Variants in RNF216 observed in about 807,000 individuals in gnomAD.
The protein encoded by RNF216 is ring finger protein 216.
RNF216 carries 72 observed loss-of-function variants against 110.8 expected under a neutral mutation model. The observed-to-expected ratio is 0.65, with a 90% confidence interval of 0.54 to 0.79. The LOEUF (loss-of-function observed/expected upper bound fraction) is 0.79, where lower values mean the gene tolerates loss of function less well. Among genes scored for constraint, RNF216 ranks in the 30% least tolerant of loss-of-function variants. RNF216 has a pLI of 0.00. For synonymous variants in RNF216, 495 were observed against 407.5 expected, an observed-to-expected ratio of 1.21 and a Z score of -2.59; for missense variants, 1,342 against 1,141.2, an observed-to-expected ratio of 1.18 and a Z score of -2.54.
rs115558824 is a variant in RNF216, at chr7:5,695,649, G to C, written c.2061+16112C>G. On this transcript the variant is annotated intron_variant, in intron 13 of 16. Coordinates refer to ENST00000389902, the MANE Select transcript of RNF216 (RefSeq NM_207111.4). ...TGGTGCCGAGAGAGATGACAGAATG[G>C]AAAGTTGTCATTTGTTGTGGTTTTG... 3.8e-3 allele frequency among the ~76,000 whole-genome samples: 575 copies of C among 152,334 alleles called. 1 individual carries two copies. Among genetic ancestry groups the C allele is most frequent in the African/African-American group, 0.013 (561 of 41,564 alleles).
intron 13 of RNF216, among the ~76,000 whole-genome samples, chr7:5,659,100 A>G (rs1228337840): frequency 6.6e-6 from 1 of 152,186 alleles, no homozygotes; most frequent in African/African-American, 2.4e-5. Flanking sequence ...TGGTGGAAAC[A>G]TGAACTTAGA....
chr7:5,765,870 T>TG (rs1310342823), intron 1 of RNF216, among the ~76,000 whole-genome samples: 2 of 149,692 alleles, frequency 1.3e-5, no homozygotes, highest in Non-Finnish European at 3.0e-5. Context: ...GCAGAATTGC[T>TG]TGAACCCGGG....
At chr7:5,683,676 G>A (rs1300842909) in intron 13 of RNF216, among the ~76,000 whole-genome samples, 1 of 152,172 alleles carries the variant, frequency 6.6e-6, no homozygotes, top group Non-Finnish European at 1.5e-5. Context: ...AGGAGAATGA[G>A]GACAATGTCA....
intron 13 of RNF216, among the ~76,000 whole-genome samples, chr7:5,699,406 C>A (rs1023153468): frequency 6.6e-6 from 1 of 152,190 alleles, no homozygotes. Context: ...GAGTAAAAAG[C>A]CCCTAAAACC....
chr7:5,742,586 CTTTTTTTTTTTTTTT>C (rs59545890), intron 3 of RNF216, among the ~76,000 whole-genome samples: 2 of 65,994 alleles, frequency 3.0e-5, no homozygotes, highest in African/African-American at 1.2e-4. Flanking sequence ...GGTGAAAAAT[CTTTTTTTTTTTTTTT>C]TTTTTTTTTT....
intron 13 of RNF216, among the ~76,000 whole-genome samples, chr7:5,684,096 T>C (rs1790827414): frequency 2.5e-5 from 1 of 39,776 alleles, no homozygotes; most frequent in South Asian, 8.3e-4. Flanking sequence ...TGGGCCTTCT[T>C]TTTTTTTTTT....
At chr7:5,698,281 C>G (rs1791748943) in intron 13 of RNF216, among the ~76,000 whole-genome samples, 1 of 152,022 alleles carries the variant, frequency 6.6e-6, no homozygotes, top group African/African-American at 2.4e-5. Context: ...CAAGGAGGGT[C>G]TGTTACAGGC....
intron 13 of RNF216, among the ~76,000 whole-genome samples, chr7:5,654,379 C>T (rs374370298): frequency 3.3e-5 from 5 of 151,878 alleles, no homozygotes; most frequent in Non-Finnish European, 4.4e-5. Context: ...GGTGGGATGT[C>T]GTAAAAAGCC....
intron 13 of RNF216, among the ~76,000 whole-genome samples, chr7:5,663,267 G>A (rs1314541039): frequency 6.6e-6 from 1 of 152,082 alleles, no homozygotes; most frequent in Admixed American, 6.6e-5. Flanking sequence ...GGCATGGAGG[G>A]CTCAATTCAT....
intron 1 of RNF216, among the ~76,000 whole-genome samples, chr7:5,767,187 C>T (rs1796251417): frequency 6.6e-6 from 1 of 152,206 alleles, no homozygotes; most frequent in Non-Finnish European, 1.5e-5. Context: ...TAAAACACAT[C>T]TTTGAAGGCA....
At chr7:5,747,957 T>A (rs115218523) in intron 3 of RNF216, among the ~76,000 whole-genome samples, 101 of 152,036 alleles carry the variant, frequency 6.6e-4, no homozygotes, top group African/African-American at 2.4e-3. Context: ...CCCTTAAGGT[T>A]AAGGAAACAA....
intron 13 of RNF216, among the ~76,000 whole-genome samples, chr7:5,684,546 G>A (rs938074077): frequency 1.5e-4 from 23 of 152,190 alleles, no homozygotes; most frequent in Non-Finnish European, 2.6e-4. Context: ...CATGCAGTTC[G>A]ATGTTCCCTG....
At chr7:5,633,051 C>T (rs1787173474) in intron 15 of RNF216, among the ~76,000 whole-genome samples, 1 of 151,910 alleles carries the variant, frequency 6.6e-6, no homozygotes, top group African/African-American at 2.4e-5. Context: ...GCGATCTCTG[C>T]TCACTGCAAC....
intron 3 of RNF216, among the ~76,000 whole-genome samples, chr7:5,752,624 T>C (rs1044110374): frequency 2.0e-5 from 3 of 152,140 alleles, no homozygotes; most frequent in Non-Finnish European, 2.9e-5. Context: ...TGGAATTTGG[T>C]GCGTTAATAG....
intron 8 of RNF216, among the ~76,000 whole-genome samples, chr7:5,721,633 C>G (rs1793432537): frequency 6.6e-6 from 1 of 152,142 alleles, no homozygotes. Flanking sequence ...GTGGTTGTAC[C>G]AGTTTACACC....
intron 13 of RNF216, among the ~76,000 whole-genome samples, chr7:5,658,118 G>A (rs1015090651): frequency 5.3e-5 from 8 of 152,176 alleles, no homozygotes; most frequent in South Asian, 2.1e-4. Context: ...GATTCTTTGC[G>A]GAGCTGACAT....
chr7:5,652,248 GA>G (rs766169049), intron 14 of RNF216, among the ~76,000 whole-genome samples, 164 bp downstream of exon 14: 3 of 152,026 alleles, frequency 2.0e-5, no homozygotes, highest in Non-Finnish European at 4.4e-5. Context: ...AGGCTGCAGA[GA>G]TGAGGAAACA....
At chr7:5,747,143 T>A (rs1795069232) in intron 3 of RNF216, among the ~76,000 whole-genome samples, 1 of 152,230 alleles carries the variant, frequency 6.6e-6, no homozygotes, top group Non-Finnish European at 1.5e-5. Context: ...ACAGTTCAAC[T>A]GTTTCCTTAT....
intron 5 of RNF216, among the ~76,000 whole-genome samples, chr7:5,734,471 G>T (rs13237614): frequency 0.35 from 53,221 of 151,914 alleles, 10,776 homozygotes; most frequent in East Asian, 0.76. Flanking sequence ...ATTGAGCTGT[G>T]CATCTTTACT....
Sources: allele counts gnomAD v4.1 joint callset (sites outside exome capture counted in the v4.1 genomes callset), GRCh38; gene constraint gnomAD v4.1.1; transcripts MANE v1.5; gene names NCBI Gene and HGNC (gene_info 2026-07-23, HGNC 2026-07-21).